Variants in EBF4 observed in about 807,000 individuals in gnomAD.
The protein encoded by EBF4 is transcription factor COE4.
EBF4 carries 34 observed loss-of-function variants against 67.1 expected under a neutral mutation model. The ratio of observed to expected loss-of-function variants is 0.51; its 90% confidence interval spans 0.39 to 0.67. EBF4 has a LOEUF of 0.67. Ranked by LOEUF, EBF4 falls within the 30% of genes least tolerant of loss-of-function variation. The pLI is 0.00. For synonymous variants in EBF4, 387 were observed against 377.7 expected (o/e 1.02, Z -0.29); for missense variants, 837 against 873.3 (o/e 0.96, Z 0.52).
chr20:2,736,719 A>G (rs1039529285), intron 6 of EBF4, among the ~76,000 whole-genome samples: 16 of 150,868 alleles, frequency 1.1e-4, no homozygotes, highest in Admixed American at 7.9e-4. Flanking sequence ...AACCCCCACC[A>G]CTCTTTTCAG....
At chr20:2,714,179 C>T (rs764592733) in intron 6 of EBF4, among the ~76,000 whole-genome samples, 77 of 152,178 alleles carry the variant, frequency 5.1e-4, no homozygotes, top group South Asian at 1.0e-3. Context: ...GTTTCTCTTA[C>T]TCTGAGTGAG....
At chr20:2,717,136 T>C (rs12480791) in intron 6 of EBF4, among the ~76,000 whole-genome samples, 16,510 of 152,226 alleles carry the variant, frequency 0.11, 1,199 homozygotes, top group East Asian at 0.29. Flanking sequence ...CTTTTCAATA[T>C]AGTTTTATAA....
rs1383433794 is a variant in EBF4, at chr20:2,693,822, G to A, written c.137+40G>A. ...CGGACCCGGTGCGCTCGGGTTGGAC[G>A]GCTGCGCGCCGCCTCAGCTCAGCTT... On this transcript the variant is annotated intron_variant, in intron 1 of 16. Coordinates refer to ENST00000609451, the Ensembl canonical transcript of EBF4. This position sits in a 1 kb window ranked among gnomAD's most constrained non-coding sequence, Gnocchi z 4.6. 7.9e-7 allele frequency: 1 copy of A among 1,261,666 alleles called. No homozygotes were observed. The highest frequency in any genetic ancestry group is 1.0e-6 in the Non-Finnish European group (1 of 1,002,680). 78.2% of individuals were successfully genotyped at this position (1,261,666 alleles called of 1,614,324 possible).
chr20:2,692,795 TC>T (rs1313361222), upstream of EBF4: 11 of 135,718 alleles, frequency 8.1e-5, no homozygotes, highest in African/African-American at 3.3e-4. The surrounding 1 kb of genome is among the most constrained non-coding windows in gnomAD (Gnocchi z 6.4). Flanking sequence ...CGGCTACCGC[TC>T]CCCCGGGAGC....
Position 2,693,908 on chromosome 20 carries a change from C to T in EBF4, c.137+126C>T, listed in dbSNP as rs1425908844. 2.6e-6 allele frequency: 3 copies of T among 1,174,140 alleles called. No individual in the cohort carries two copies. Among genetic ancestry groups the T allele is most frequent in the Admixed American group, 8.5e-5 (2 of 23,574 alleles). 72.7% of individuals were successfully genotyped at this position (1,174,140 alleles called of 1,614,324 possible). A position where few individuals can be genotyped will look rare whatever the true frequency, so the allele number is the denominator to read the frequency against. On this transcript the variant is annotated intron_variant, in intron 1 of 16. Transcript: ENST00000609451. This position sits in a 1 kb window ranked among gnomAD's most constrained non-coding sequence, Gnocchi z 4.6. ...TAACTCTGGACGGTCCCGGCGAGCT[C>T]CCCGGCCCACCCCGTCCGGAGTGCC...
intron 6 of EBF4, among the ~76,000 whole-genome samples, chr20:2,737,182 G>A (rs546094397): frequency 3.9e-4 from 59 of 151,014 alleles, no homozygotes; most frequent in Admixed American, 1.3e-3. Flanking sequence ...CCCGGGAGGC[G>A]GAGCTTGCAG....
intron 6 of EBF4, among the ~76,000 whole-genome samples, chr20:2,737,841 T>C (rs1188506039): frequency 6.7e-6 from 1 of 148,612 alleles, no homozygotes; most frequent in African/African-American, 2.5e-5. Context: ...AAATGGCACC[T>C]GTAGTCCCAG....
intron 16 of EBF4, 54 bp downstream of exon 16, chr20:2,759,038 C>T (rs2088286990): frequency 2.7e-6 from 4 of 1,496,018 alleles, no homozygotes; most frequent in Non-Finnish European, 3.6e-6. Context: ...CTGAGATGTG[C>T]TTGCTCTCTA....
chr20:2,694,241 G>A (rs1366347909), intron 1 of EBF4, among the ~76,000 whole-genome samples: 4 of 152,214 alleles, frequency 2.6e-5, no homozygotes, highest in Non-Finnish European at 5.9e-5. Flanking sequence ...CCTCAGAGTT[G>A]GCGGATGGGG....
rs1172928588 is a variant in EBF4, at chr20:2,735,109, C to T, written c.558-13440C>T. ...ATGTAGCTGCAATGTTAAGCAATTG[C>T]CGCTGGCTGTTTTCAACAAACACCC... On this transcript the variant is annotated intron_variant, in intron 6 of 16. Coordinates refer to ENST00000609451, the Ensembl canonical transcript of EBF4. Among the ~76,000 whole-genome samples, 4 of 152,218 alleles carry T rather than the reference C, an allele frequency of 2.6e-5. No individual in the cohort carries two copies. In the South Asian group the frequency reaches 6.2e-4, roughly 24 times the overall value.
intron 6 of EBF4, among the ~76,000 whole-genome samples, chr20:2,740,211 G>A (rs2087947131): frequency 6.6e-6 from 1 of 152,180 alleles, no homozygotes; most frequent in South Asian, 2.1e-4. Flanking sequence ...TACTCAGGAG[G>A]CTGAGGCGGG....
At chr20:2,722,151 C>A (rs879621784) in intron 6 of EBF4, among the ~76,000 whole-genome samples, 7 of 152,150 alleles carry the variant, frequency 4.6e-5, no homozygotes, top group Non-Finnish European at 8.8e-5. Flanking sequence ...CCTCCCACCT[C>A]AGCCTCCTGA....
chr20:2,706,850 C>T (rs2087465774), intron 4 of EBF4, among the ~76,000 whole-genome samples: 1 of 152,204 alleles, frequency 6.6e-6, no homozygotes, highest in African/African-American at 2.4e-5. Context: ...GATGTGGGCA[C>T]AGCCCTGGGA....
At position 2,693,899 on chromosome 20, in the gene EBF4, C is replaced by T. The variant is rs1363621677; in HGVS notation, c.137+117C>T. On this transcript the variant is annotated intron_variant, in intron 1 of 16. Transcript: ENST00000609451. This position sits in a 1 kb window ranked among gnomAD's most constrained non-coding sequence, Gnocchi z 4.6. ...AAGGAGCCCTAACTCTGGACGGTCC[C>T]GGCGAGCTCCCCGGCCCACCCCGTC... 10 of 1,209,286 alleles carry T rather than the reference C, an allele frequency of 8.3e-6. No individual in the cohort carries two copies. The highest frequency in any genetic ancestry group is 4.2e-5 in the Admixed American group (1 of 23,608). 74.9% of individuals were successfully genotyped at this position (1,209,286 alleles called of 1,614,324 possible).
chr20:2,749,996 G>A (rs1266848853), intron 10 of EBF4, 23 bp downstream of exon 10: 3 of 1,535,788 alleles, frequency 2.0e-6, no homozygotes, highest in Non-Finnish European at 2.6e-6. Flanking sequence ...GCGGGGGAGT[G>A]GAGGTCTAAG....
At chr20:2,720,976 T>C (rs181073375) in intron 6 of EBF4, among the ~76,000 whole-genome samples, 198 of 152,336 alleles carry the variant, frequency 1.3e-3, no homozygotes, top group South Asian at 3.5e-3. Flanking sequence ...GCACATAACA[T>C]GTCTTTCATT....
rs1401638171 is a variant in EBF4 at position 2,696,239 on chromosome 20, AG to A, written c.137+2459del. On this transcript the variant is annotated intron_variant, in intron 1 of 16. Transcript: ENST00000609451. This position sits in a 1 kb window ranked among gnomAD's most constrained non-coding sequence, Gnocchi z 4.7. ...GTAATTCCAGCACTTTGGGAGGCCA[AG>A]GTGGGCGTTTCACTTGAGGCCAGGA... Among the ~76,000 whole-genome samples, 1 of 152,224 alleles carries A rather than the reference AG, an allele frequency of 6.6e-6. No homozygotes were observed. Among genetic ancestry groups the A allele is most frequent in the African/African-American group, 2.4e-5 (1 of 41,460 alleles).
In EBF4 at chr20:2,751,633, C is replaced by T; in HGVS notation, c.1019-67C>T. 6.6e-7 allele frequency: 1 copy of T among 1,505,694 alleles called. No individual in the cohort carries two copies. Among genetic ancestry groups the T allele is most frequent in the Non-Finnish European group, 9.0e-7 (1 of 1,107,796 alleles). 93.3% of individuals were successfully genotyped at this position (1,505,694 alleles called of 1,614,324 possible). On this transcript the variant is annotated intron_variant, in intron 10 of 16. Coordinates refer to ENST00000609451, the Ensembl canonical transcript of EBF4. The surrounding 1 kb of genome is among the most constrained non-coding windows in gnomAD (Gnocchi z 5.2). ...TGGGCGCTGGCCTGCTTTTGGCGCC[C>T]TGCGTCTCACCCTGGGAGTGGGGGG...
intron 6 of EBF4, among the ~76,000 whole-genome samples, chr20:2,746,173 T>C (rs1033184132): frequency 1.1e-4 from 17 of 152,050 alleles, no homozygotes; most frequent in African/African-American, 3.9e-4. Context: ...TGGGGTGTCA[T>C]AAGGGGTGTA....
Sources: gnomAD v4.1 joint callset for allele counts (sites outside exome capture counted in the v4.1 genomes callset) on GRCh38, gnomAD v4.1.1 for gene constraint, Gnocchi (gnomAD v3.1) non-coding constraint, MANE v1.5 for transcripts, NCBI Gene and HGNC (gene_info 2026-07-23, HGNC 2026-07-21) for gene names.